SLC25A21: variants seen among roughly 807,000 people sequenced by gnomAD.
SLC25A21 encodes the protein mitochondrial 2-oxodicarboxylate carrier.
In SLC25A21, 47 loss-of-function variants were observed where a neutral mutation model predicts 43.8. That is an observed-to-expected ratio of 1.07 (90% CI 0.85 to 1.37). SLC25A21 has a LOEUF of 1.37. Ranked by LOEUF, SLC25A21 falls within the 40% of genes most tolerant of loss-of-function variation. The pLI is 0.00. For synonymous variants in SLC25A21, 131 were observed against 121.3 expected (o/e 1.08, Z -0.52); for missense variants, 352 against 350.2 (o/e 1.00, Z -0.04).
intron 1 of SLC25A21, among the ~76,000 whole-genome samples, chr14:36,984,843 T>A (rs1432413961): frequency 6.6e-6 from 1 of 152,076 alleles, no homozygotes; most frequent in Non-Finnish European, 1.5e-5. Flanking sequence ...CCCAAAGGAC[T>A]ATAAATCATG....
intron 1 of SLC25A21, among the ~76,000 whole-genome samples, chr14:37,120,514 A>T (rs777125337): frequency 6.6e-6 from 1 of 152,184 alleles, no homozygotes; most frequent in Non-Finnish European, 1.5e-5. Context: ...CCAGAGTTAG[A>T]AAGAAAGAAC....
intron 1 of SLC25A21, among the ~76,000 whole-genome samples, chr14:37,006,908 C>T (rs1020208803): frequency 1.3e-5 from 2 of 152,154 alleles, no homozygotes; most frequent in African/African-American, 4.8e-5. Flanking sequence ...ACTACTCACC[C>T]TACTCAAAGT....
chr14:36,886,431 A>G (rs1890914126), intron 1 of SLC25A21, among the ~76,000 whole-genome samples: 1 of 152,230 alleles, frequency 6.6e-6, no homozygotes, highest in Non-Finnish European at 1.5e-5. Flanking sequence ...CCATGTGCGT[A>G]TATTTTTTAA....
intron 3 of SLC25A21, among the ~76,000 whole-genome samples, chr14:36,756,555 C>T (rs954432573): frequency 1.3e-5 from 2 of 152,118 alleles, no homozygotes; most frequent in Admixed American, 6.5e-5. Context: ...TTGAAAAATT[C>T]GGGCGGTCTT....
intron 1 of SLC25A21, among the ~76,000 whole-genome samples, chr14:36,955,542 T>A (rs1405249073): frequency 6.6e-6 from 1 of 152,206 alleles, no homozygotes; most frequent in Non-Finnish European, 1.5e-5. Flanking sequence ...TTCTGATTTT[T>A]TTTTAGCCAC....
chr14:37,007,004 A>T (rs1329208674), intron 1 of SLC25A21, among the ~76,000 whole-genome samples: 1 of 152,190 alleles, frequency 6.6e-6, no homozygotes, highest in Non-Finnish European at 1.5e-5. Context: ...TTTTTTCTAC[A>T]ATATCAATTA....
At chr14:36,702,507 A>G (rs1055627770) in intron 7 of SLC25A21, among the ~76,000 whole-genome samples, 2 of 150,146 alleles carry the variant, frequency 1.3e-5, no homozygotes, top group African/African-American at 4.9e-5. Flanking sequence ...GAAAGAAAGA[A>G]AAAGAAAAAA....
chr14:36,707,007 T>G (rs750982799), intron 7 of SLC25A21, among the ~76,000 whole-genome samples: 4 of 152,200 alleles, frequency 2.6e-5, no homozygotes, highest in African/African-American at 4.8e-5. Flanking sequence ...CAAGGGCCAG[T>G]ATGATCTGAT....
chr14:36,678,425 TCAGGGC>T lies in SLC25A21; in HGVS notation c.*2227_*2232del, dbSNP rs1249225294. The T allele has an allele frequency of 2.2e-6, 3 of 1,366,650 alleles. No homozygotes were observed. In the African/African-American group the frequency reaches 4.3e-5, roughly 20 times the overall value. 84.7% of individuals were successfully genotyped at this position (1,366,650 alleles called of 1,614,324 possible). A position where few individuals can be genotyped will look rare whatever the true frequency, so the allele number is the denominator to read the frequency against. ...ATAAGCAGAAGGAGCAGATGAACTC[TCAGGGC>T]CATAGTCTTCCTTTGATCTTGTAAA... On this transcript the variant is annotated 3_prime_UTR_variant, in exon 10 of 10. Coordinates refer to ENST00000331299, the MANE Select transcript of SLC25A21 (RefSeq NM_030631.4).
intron 6 of SLC25A21, among the ~76,000 whole-genome samples, chr14:36,722,236 T>C (rs1024087503): frequency 5.9e-5 from 9 of 152,166 alleles, no homozygotes; most frequent in African/African-American, 2.2e-4. Flanking sequence ...TGAGAAATTA[T>C]AGAGACAGTA....
At chr14:36,912,999 A>G (rs552168572) in intron 1 of SLC25A21, among the ~76,000 whole-genome samples, 26 of 151,802 alleles carry the variant, frequency 1.7e-4, no homozygotes, top group African/African-American at 5.8e-4. Context: ...CCCAGCAACC[A>G]CTCACTAGAG....
At chr14:36,819,066 T>C (rs1161518695) in intron 2 of SLC25A21, among the ~76,000 whole-genome samples, 3 of 152,188 alleles carry the variant, frequency 2.0e-5, no homozygotes, top group Non-Finnish European at 4.4e-5. Context: ...GCTGCCACAC[T>C]GACAGAGTGG....
At chr14:37,061,049 C>T (rs1259148848) in intron 1 of SLC25A21, among the ~76,000 whole-genome samples, 1 of 152,124 alleles carries the variant, frequency 6.6e-6, no homozygotes, top group South Asian at 2.1e-4. Flanking sequence ...GAAGAAAAAG[C>T]CCTCTCCCTG....
intron 1 of SLC25A21, among the ~76,000 whole-genome samples, chr14:36,931,032 TCTC>T (rs1409330499): frequency 6.6e-6 from 1 of 151,980 alleles, no homozygotes; most frequent in Non-Finnish European, 1.5e-5. Context: ...ATCTGACACC[TCTC>T]CTCTGGGCTC....
At chr14:37,080,982 T>C (rs1962376583) in intron 1 of SLC25A21, among the ~76,000 whole-genome samples, 1 of 152,224 alleles carries the variant, frequency 6.6e-6, no homozygotes, top group South Asian at 2.1e-4. Flanking sequence ...ACTACCTCTA[T>C]CTATTCTCCT....
At chr14:36,717,206 T>C (rs1442587526) in intron 6 of SLC25A21, among the ~76,000 whole-genome samples, 1 of 152,162 alleles carries the variant, frequency 6.6e-6, no homozygotes, top group Non-Finnish European at 1.5e-5. Context: ...TTAAAAATCA[T>C]AGAAAAATCT....
intron 1 of SLC25A21, among the ~76,000 whole-genome samples, chr14:36,949,642 C>T (rs765028708): frequency 3.3e-5 from 5 of 151,894 alleles, no homozygotes; most frequent in South Asian, 2.1e-4. Flanking sequence ...TTTTTTCCTT[C>T]GTTGAACAAC....
chr14:36,826,176 C>A (rs1426131734), intron 2 of SLC25A21, among the ~76,000 whole-genome samples: 1 of 152,108 alleles, frequency 6.6e-6, no homozygotes, highest in Non-Finnish European at 1.5e-5. Flanking sequence ...TAATAACAGG[C>A]AAGTCTTCCC....
chr14:36,941,908 A>G (rs1036338761), intron 1 of SLC25A21, among the ~76,000 whole-genome samples: 1 of 152,094 alleles, frequency 6.6e-6, no homozygotes, highest in African/African-American at 2.4e-5. Flanking sequence ...AACTTAGAAC[A>G]TGTAATTAGA....
Sources: gnomAD v4.1 joint callset for allele counts (sites outside exome capture counted in the v4.1 genomes callset) on GRCh38, gnomAD v4.1.1 for gene constraint, MANE v1.5 for transcripts, NCBI Gene and HGNC (gene_info 2026-07-23, HGNC 2026-07-21) for gene names.